The following FANCA variants were observed in gnomAD, a reference collection of about 807,000 sequenced individuals.
FANCA encodes the protein FA complementation group A.
FANCA carries 236 observed loss-of-function variants against 194.3 expected under a neutral mutation model. The observed-to-expected ratio is 1.21, with a 90% CI of 1.09 to 1.35. FANCA has a LOEUF of 1.35. Among genes scored for constraint, FANCA ranks in the 40% most tolerant of loss-of-function variants. The pLI, the probability that FANCA is intolerant of heterozygous loss-of-function variation, is 0.00. For synonymous variants in FANCA, 1,014 were observed against 715.8 expected (o/e 1.42, Z -6.65); for missense variants, 2,628 against 1,813.9 (o/e 1.45, Z -8.15).
In FANCA at chr16:89,739,493, G is replaced by A. The variant is rs1361887747; in HGVS notation, c.3995C>T (p.Pro1332Leu). ...VAPDQHTRLL[P>L]FAFYSLLSYF... ...GTGGAGGTACCTGTAAAAAGCGAAAGGCAGCAGCCTGGTGTGCTGATCCGG... is the reference window on the plus strand; with the variant it reads ...GTGGAGGTACCTGTAAAAAGCGAAAAGCAGCAGCCTGGTGTGCTGATCCGG... Residue 1332 changes from proline to leucine, a missense_variant, in exon 40 of 43, where the codon CCT becomes CTT. Coordinates refer to ENST00000389301, the MANE Select transcript of FANCA (RefSeq NM_000135.4). 1 of 1,551,332 alleles carries A rather than the reference G, an allele frequency of 6.4e-7. No homozygotes were observed. The highest frequency in any genetic ancestry group is 1.2e-5 in the South Asian group (1 of 84,092).
intron 14 of FANCA, among the ~76,000 whole-genome samples, chr16:89,785,724 C>A (rs570351733): frequency 6.6e-6 from 1 of 152,274 alleles, no homozygotes; most frequent in South Asian, 2.1e-4. Context: ...GAGCTCCTGC[C>A]ACCCTAGCCC....
Position 89,811,019 on chromosome 16 carries a change from G to A in FANCA, c.336C>T (p.Leu112=), listed in dbSNP as rs774843944. 1 of 1,614,068 alleles carries A rather than the reference G, an allele frequency of 6.2e-7. No homozygotes were observed. The highest frequency in any genetic ancestry group is 8.5e-7 in the Non-Finnish European group (1 of 1,180,036). ...ASRLGVPVGI[L]SAGMVASSVG... Reference sequence around the variant, plus strand: ...CGCTAGAGGCAACCATCCCGGCTGAGAGAATACCCACGGGAACCCCCAGCC... The same window carrying A: ...CGCTAGAGGCAACCATCCCGGCTGAAAGAATACCCACGGGAACCCCCAGCC... Residue 112 remains leucine, a synonymous_variant, in exon 4 of 43, where the codon CTC becomes CTT. Transcript: ENST00000389301.
In FANCA at chr16:89,798,908, G is replaced by C. The variant is rs914432453; in HGVS notation, c.893+258C>G. On this transcript the variant is annotated intron_variant, in intron 10 of 42. Transcript: ENST00000389301. The stretch of plus-strand genomic sequence containing the variant: ...CACAGTGAGTGGGACAAACATTGGT[G>C]CAGGACTTCCAGAGGCGGAACAGGA... The C allele has an allele frequency of 1.3e-5, 20 of 1,595,472 alleles. No homozygotes were observed. In the South Asian group the frequency reaches 2.0e-4, roughly 16 times the overall value.
rs2143308216 is a variant in FANCA at position 89,767,177 on chromosome 16, AG to A, written c.2564del (p.Thr855IlefsTer34). The A allele has an allele frequency of 6.2e-7, 1 of 1,613,922 alleles. No homozygotes were observed. The highest frequency in any genetic ancestry group is 1.3e-5 in the African/African-American group (1 of 75,064). On this transcript the variant is annotated frameshift_variant, in exon 27 of 43. Coordinates refer to ENST00000389301, the MANE Select transcript of FANCA (RefSeq NM_000135.4). LOFTEE classifies it high-confidence loss of function. ...LCKFSSQSRDTLCSCLSPGLI... is the reference protein window; with the variant it reads ...LCKFSSQSRDXLCSCLSPGLI... ...GGCCTGGAGATAAGCAGCTGCACAA[AG>A]TATCTCGTGACTGGGAAGAAAACTT...
chr16:89,778,887 G>C, intron 19 of FANCA, 37 bp from the exon 20 acceptor site: 1 of 1,613,982 alleles, frequency 6.2e-7, no homozygotes, highest in Non-Finnish European at 8.5e-7. Context: ...AGACTGACAA[G>C]GAAAGTCCTT....
intron 10 of FANCA, among the ~76,000 whole-genome samples, chr16:89,797,698 G>C (rs2040296458): frequency 6.6e-6 from 1 of 152,100 alleles, no homozygotes; most frequent in Non-Finnish European, 1.5e-5. Flanking sequence ...GACCAATATA[G>C]TGAAACCCCA....
chr16:89,763,793 C>T (rs1219831135), intron 28 of FANCA, among the ~76,000 whole-genome samples: 5 of 151,948 alleles, frequency 3.3e-5, no homozygotes, highest in South Asian at 4.2e-4. Context: ...CTTAGCCAGG[C>T]GTGGTGGTGC....
At chr16:89,754,047 C>G (rs943910796) in intron 30 of FANCA, among the ~76,000 whole-genome samples, 1 of 151,684 alleles carries the variant, frequency 6.6e-6, no homozygotes, top group South Asian at 2.1e-4. Context: ...CAGCGACACT[C>G]TGTCTCAAAA....
At chr16:89,803,964 T>C (rs1035592612) in intron 7 of FANCA, among the ~76,000 whole-genome samples, 2 of 152,098 alleles carry the variant, frequency 1.3e-5, no homozygotes, top group African/African-American at 2.4e-5. Context: ...GGAGGTCTTA[T>C]GGATTGTCTT....
At position 89,772,571 on chromosome 16, in the gene FANCA, C is replaced by T. The variant is rs184487400; in HGVS notation, c.2014+700G>A. On this transcript the variant is annotated intron_variant, in intron 22 of 42. Transcript: ENST00000389301. Reference sequence around the variant, plus strand: ...GGTGGCTCACACTGAAATCCCAGCACTTTGGGAGGCCAACACAGGTGGATC... The same window carrying T: ...GGTGGCTCACACTGAAATCCCAGCATTTTGGGAGGCCAACACAGGTGGATC... 2.6e-4 allele frequency among the ~76,000 whole-genome samples: 39 copies of T among 152,170 alleles called. No homozygotes were observed. In the South Asian group the frequency reaches 4.1e-3, roughly 16 times the overall value.
chr16:89,801,180 C>A (rs1241052854), intron 8 of FANCA, among the ~76,000 whole-genome samples: 1 of 151,476 alleles, frequency 6.6e-6, no homozygotes, highest in Non-Finnish European at 1.5e-5. Flanking sequence ...CCCATCTCTA[C>A]TAAAAATAGA....
At chr16:89,781,339 G>C (rs2039694318) in intron 17 of FANCA, among the ~76,000 whole-genome samples, 1 of 136,540 alleles carries the variant, frequency 7.3e-6, no homozygotes, top group African/African-American at 2.9e-5. Flanking sequence ...ACTCCAGCCT[G>C]GGCAATAGAA....
At chr16:89,760,624 C>G (rs191991746) in intron 29 of FANCA, among the ~76,000 whole-genome samples, 170 of 152,328 alleles carry the variant, frequency 1.1e-3, no homozygotes, top group Admixed American at 5.5e-3. Context: ...GCTCCCTACT[C>G]CTATGCCCAG....
intron 14 of FANCA, chr16:89,791,045 TTTTG>T: frequency 2.3e-5 from 4 of 176,130 alleles, no homozygotes; most frequent in Non-Finnish European, 2.4e-5. Context: ...TTTTTTTTTT[TTTTG>T]GTGGAGATGA....
rs151232042 is a variant in FANCA, at chr16:89,773,384, T to C, written c.1901A>G (p.Asp634Gly). 9.0e-6 allele frequency: 14 copies of C among 1,548,118 alleles called. No homozygotes were observed. The African/African-American group carries it at 1.5e-4, about 17-fold the overall frequency. Residue 634 changes from aspartate (D) to glycine (G), a missense_variant and splice_region_variant, in exon 22 of 43, where the codon GAT (aspartate) becomes GGT (glycine). Asp to Gly is a moderately conservative substitution (Grantham distance 94, BLOSUM62 -1). Coordinates refer to ENST00000389301, the MANE Select transcript of FANCA (RefSeq NM_000135.4). ...TTCTGCCCTCACTCCCAGGGCTGCA[T>C]CTGTGAGAAGAAGGAAGAAACCAGA... Reference protein sequence around the residue: ...ACSAAEEKPEDAALGVRAEPN... With the variant: ...ACSAAEEKPEGAALGVRAEPN...
chr16:89,798,955 C>A lies in FANCA; in HGVS notation c.893+211G>T, dbSNP rs1467574600. On this transcript the variant is annotated intron_variant, in intron 10 of 42. Transcript: ENST00000389301. Reference sequence around the variant, plus strand: ...AGGATACTGCAGTGGGCGCACCTTCCGACCTCATCCTCACAGGAAAAGGCT... The same window carrying A: ...AGGATACTGCAGTGGGCGCACCTTCAGACCTCATCCTCACAGGAAAAGGCT... The A allele has an allele frequency of 9.3e-6, 15 of 1,611,690 alleles. No individual in the cohort carries two copies. In the Admixed American group the frequency reaches 2.3e-4, roughly 25 times the overall value.
chr16:89,763,089 T>C (rs986219030), intron 28 of FANCA, among the ~76,000 whole-genome samples: 3 of 149,004 alleles, frequency 2.0e-5, no homozygotes, highest in Non-Finnish European at 4.4e-5. Flanking sequence ...CTACTAAAAA[T>C]ACAAAAAGTT....
chr16:89,778,762 C>A, intron 20 of FANCA, 39 bp downstream of exon 20: 1 of 1,588,576 alleles, frequency 6.3e-7, no homozygotes, highest in Non-Finnish European at 8.6e-7. Flanking sequence ...TCAGAAGAAA[C>A]CTGGAAGTAG....
chr16:89,791,814 G>A, intron 13 of FANCA, 113 bp downstream of exon 13: 1 of 1,376,666 alleles, frequency 7.3e-7, no homozygotes, highest in Admixed American at 1.7e-5. Context: ...GCAGGTTCCG[G>A]GCAGGTAGGG....
Sources: gnomAD v4.1 joint callset for allele counts (sites outside exome capture counted in the v4.1 genomes callset) on GRCh38, gnomAD v4.1.1 for gene constraint, MANE v1.5 for transcripts, NCBI Gene and HGNC (gene_info 2026-07-23, HGNC 2026-07-21) for gene names.